ARHGAP25: variants seen among roughly 807,000 people sequenced by gnomAD.
ARHGAP25 encodes the protein Rho GTPase activating protein 25.
A neutral mutation model predicts 71.0 loss-of-function variants in ARHGAP25; 34 were observed. That is an observed-to-expected ratio of 0.48 (90% CI 0.36 to 0.64). The LOEUF (loss-of-function observed/expected upper bound fraction) is 0.64, where lower values mean the gene tolerates loss of function less well. Among genes scored for constraint, ARHGAP25 ranks in the 30% least tolerant of loss-of-function variants. ARHGAP25 has a pLI of 0.00. For synonymous variants in ARHGAP25, 282 were observed against 296.5 expected, an observed-to-expected ratio of 0.95 and a Z score of 0.50; for missense variants, 706 against 805.1, an observed-to-expected ratio of 0.88 and a Z score of 1.49.
intron 1 of ARHGAP25, among the ~76,000 whole-genome samples, chr2:68,759,961 G>A (rs28831734): frequency 0.6 from 91,623 of 151,768 alleles, 28,215 homozygotes; most frequent in South Asian, 0.67. Context: ...GAAAAATGAC[G>A]CAACTGCACA....
At chr2:68,768,701 A>C (rs1389114188) in intron 1 of ARHGAP25, among the ~76,000 whole-genome samples, 1 of 152,122 alleles carries the variant, frequency 6.6e-6, no homozygotes, top group African/African-American at 2.4e-5. Context: ...TCTGGCTTTC[A>C]CTTGCACCTC....
intron 4 of ARHGAP25, among the ~76,000 whole-genome samples, chr2:68,802,499 T>C (rs1055583036): frequency 1.3e-4 from 20 of 151,460 alleles, no homozygotes; most frequent in African/African-American, 4.9e-4. Flanking sequence ...ATTTTGCTAA[T>C]TGGGTTAGTT....
chr2:68,784,691 G>A (rs112552084), intron 3 of ARHGAP25, among the ~76,000 whole-genome samples: 6,758 of 152,216 alleles, frequency 0.044, 172 homozygotes, highest in Admixed American at 0.074. Context: ...TTACTCATTT[G>A]TACGACAAAT....
At chr2:68,793,788 T>G (rs955640758) in intron 4 of ARHGAP25, among the ~76,000 whole-genome samples, 7 of 151,798 alleles carry the variant, frequency 4.6e-5, no homozygotes, top group Admixed American at 1.3e-4. Context: ...AAATTTTAGG[T>G]TTTTTTTCTA....
At chr2:68,792,313 TA>T (rs1679235352) in intron 4 of ARHGAP25, among the ~76,000 whole-genome samples, 2 of 152,214 alleles carry the variant, frequency 1.3e-5, no homozygotes, top group Non-Finnish European at 2.9e-5. Flanking sequence ...GTTACATGCA[TA>T]GATTATGTAG....
intron 4 of ARHGAP25, among the ~76,000 whole-genome samples, chr2:68,804,688 C>T (rs989785034): frequency 2.0e-5 from 3 of 152,206 alleles, no homozygotes; most frequent in Non-Finnish European, 2.9e-5. Context: ...GGTGCTGGCA[C>T]ATGGCAGGGC....
In ARHGAP25 at chr2:68,723,433, G is replaced by A. The variant is rs867890289; in HGVS notation, c.-18+12735G>A. ...AAGCAGTCCATCTCTGTGTCACATA[G>A]ATTCCCTGTTGGGCTTCCCAGTCCT... is the stretch of plus-strand genomic sequence containing the variant. On this transcript the variant is annotated intron_variant and NMD_transcript_variant, in intron 2 of 7. Coordinates refer to the ARHGAP25 transcript ENST00000463483. 7.2e-5 allele frequency among the ~76,000 whole-genome samples: 11 copies of A among 152,318 alleles called. 1 individual carries two copies. Among genetic ancestry groups the A allele is most frequent in the African/African-American group, 2.2e-4 (9 of 41,574 alleles).
At chr2:68,817,813 G>A in intron 7 of ARHGAP25, 60 bp from the exon 8 acceptor site, 6 of 1,593,078 alleles carry the variant, frequency 3.8e-6, no homozygotes, top group Non-Finnish European at 5.2e-6. Flanking sequence ...TTGGAACCCT[G>A]TAGTGCTTCC....
intron 1 of ARHGAP25, among the ~76,000 whole-genome samples, chr2:68,750,467 C>T (rs1400297211): frequency 6.6e-6 from 1 of 152,010 alleles, no homozygotes; most frequent in Admixed American, 6.6e-5. Flanking sequence ...GGACTACAGG[C>T]ACCTGTCACC....
intron 9 of ARHGAP25, among the ~76,000 whole-genome samples, chr2:68,820,207 G>A: frequency 6.6e-6 from 1 of 152,166 alleles, no homozygotes. Context: ...CACAGTCCTT[G>A]AGAATAGCTA....
In ARHGAP25 at chr2:68,805,028, G is replaced by A. The variant is rs138172457; in HGVS notation, c.467-2245G>A. Among the ~76,000 whole-genome samples the A allele has an allele frequency of 6.6e-5, 10 of 152,334 alleles. No homozygotes were observed. The East Asian group carries it at 1.9e-3, about 29-fold the overall frequency. On this transcript the variant is annotated intron_variant, in intron 4 of 10. Coordinates refer to ENST00000409202, the MANE Select transcript of ARHGAP25 (RefSeq NM_001007231.3). ...AACAATACGGTGCACAGAGTAGGATGTAGTCCCTCCATCTGGATGTCAGGA... is the reference window on the plus strand; with the variant it reads ...AACAATACGGTGCACAGAGTAGGATATAGTCCCTCCATCTGGATGTCAGGA...
At chr2:68,810,134 A>G (rs1428904581) in intron 5 of ARHGAP25, among the ~76,000 whole-genome samples, 4 of 151,930 alleles carry the variant, frequency 2.6e-5, no homozygotes, top group African/African-American at 9.7e-5. Context: ...TGATTAAAAA[A>G]AAAAAAAAAA....
intron 1 of ARHGAP25, chr2:68,774,965 G>A (rs1677764404): frequency 7.0e-7 from 1 of 1,425,760 alleles, no homozygotes; most frequent in Admixed American, 2.9e-5. Flanking sequence ...CCGCGGTGCC[G>A]GACTGCCTGT....
chr2:68,822,242 C>A, intron 9 of ARHGAP25, 98 bp from the exon 10 acceptor site: 3 of 1,182,380 alleles, frequency 2.5e-6, no homozygotes, highest in Non-Finnish European at 3.6e-6. Flanking sequence ...GGTATGCTAC[C>A]AGGAAACTTT....
intron 2 of ARHGAP25, among the ~76,000 whole-genome samples, chr2:68,713,630 G>A (rs1178919102): frequency 6.6e-6 from 1 of 152,182 alleles, no homozygotes; most frequent in Non-Finnish European, 1.5e-5. Context: ...ATTGGCTGTG[G>A]ATTTGTCATA....
chr2:68,770,382 G>A (rs1677408219), intron 1 of ARHGAP25, among the ~76,000 whole-genome samples: 1 of 152,070 alleles, frequency 6.6e-6, no homozygotes, highest in Non-Finnish European at 1.5e-5. Flanking sequence ...CAACATACTG[G>A]GAAAATACCT....
chr2:68,764,535 C>T (rs1677012690), intron 1 of ARHGAP25, among the ~76,000 whole-genome samples: 1 of 152,158 alleles, frequency 6.6e-6, no homozygotes, highest in Non-Finnish European at 1.5e-5. Context: ...GTTAGGTGGA[C>T]AGGCACCCTC....
At chr2:68,822,291 A>G in intron 9 of ARHGAP25, 49 bp from the exon 10 acceptor site, 2 of 1,559,162 alleles carry the variant, frequency 1.3e-6, no homozygotes, top group Non-Finnish European at 1.7e-6. Context: ...GGAGCATGAC[A>G]CACAGAGGTG....
chr2:68,782,259 A>C lies in ARHGAP25; in HGVS notation c.288A>C (p.Thr96=). ...GCTGCATGTATCTACCAGGATGTAC[A>C]ATCAAGGAGATCGCCACAAACCCAG... ...PQGCMYLPGC[T]IKEIATNPEE... The change falls in exon 3 of 11, where the codon ACA becomes ACC. Residue 96 remains threonine, a synonymous_variant. Coordinates refer to ENST00000409202, the MANE Select transcript of ARHGAP25 (RefSeq NM_001007231.3). 1 of 1,614,150 alleles carries C rather than the reference A, an allele frequency of 6.2e-7. No individual in the cohort carries two copies. Among genetic ancestry groups the C allele is most frequent in the Non-Finnish European group, 8.5e-7 (1 of 1,180,000 alleles).
Sources: allele counts gnomAD v4.1 joint callset (sites outside exome capture counted in the v4.1 genomes callset), GRCh38; gene constraint gnomAD v4.1.1; transcripts MANE v1.5; gene names NCBI Gene and HGNC (gene_info 2026-07-23, HGNC 2026-07-21).